Variants in CFAP97 observed in about 807,000 individuals in gnomAD.
The protein encoded by CFAP97 is cilia- and flagella-associated protein 97.
In CFAP97, 36 loss-of-function variants were observed where a neutral mutation model predicts 43.1. The ratio of observed to expected loss-of-function variants is 0.84; its 90% confidence interval spans 0.64 to 1.10. The LOEUF (loss-of-function observed/expected upper bound fraction) is 1.10. CFAP97 is among the 50% of genes least tolerant of loss of function. The probability of loss-of-function intolerance (pLI) is 0.00; values close to 1 mark genes in which losing one functional copy is unlikely to be tolerated. For missense variants in CFAP97, 657 were observed against 620.3 expected, an observed-to-expected ratio of 1.06 and a Z score of -0.63; for synonymous variants, 228 against 225.7, an observed-to-expected ratio of 1.01 and a Z score of -0.09.
In CFAP97 at chr4:185,169,681, T is replaced by A. The variant is rs552255527; in HGVS notation, c.1321-5502A>T. 7 of 985,468 alleles carry A rather than the reference T, an allele frequency of 7.1e-6. No individual in the cohort carries two copies. The South Asian group carries it at 2.8e-4, about 40-fold the overall frequency. 61.0% of individuals were successfully genotyped at this position (985,468 alleles called of 1,614,324 possible). ...TAAACAAATAAATGTCTTAATGATT[T>A]CTGCAGCCGTTAGCAGAGGAGAGTT... On this transcript the variant is annotated intron_variant, in intron 3 of 4. Transcript: ENST00000458385.
rs753306683 is a variant in CFAP97 at position 185,164,174 on chromosome 4, T to C, written c.1326A>G (p.Leu442=). The change falls in exon 4 of 5, where the codon TTA becomes TTG. Residue 442 remains leucine, a synonymous_variant. Coordinates refer to ENST00000458385, the MANE Select transcript of CFAP97 (RefSeq NM_020827.3). ...GTTTCACGGCCTCAAGCCTTTTCAA[T>C]AAAGCCTTCAATAAAGACAATTAAT... is the stretch of plus-strand genomic sequence containing the variant. The part of the protein sequence containing the change: ...QQRIERENLA[L]LKRLEAVKPT... The C allele has an allele frequency of 6.8e-6, 11 of 1,613,416 alleles. No individual in the cohort carries two copies. In the Admixed American group the frequency reaches 1.0e-4, roughly 15 times the overall value.
chr4:185,187,162 G>C (rs967363962), intron 2 of CFAP97, among the ~76,000 whole-genome samples: 24 of 152,192 alleles, frequency 1.6e-4, no homozygotes. Flanking sequence ...TTATAATGCA[G>C]AAGGATGCAC....
rs757834958 is a variant in CFAP97, at chr4:185,161,874, C to T, written c.*924G>A. The T allele has an allele frequency of 3.9e-5, 6 of 152,158 alleles. No homozygotes were observed. The highest frequency in any genetic ancestry group is 7.2e-5 in the African/African-American group (3 of 41,446). The allele number at this position is 152,158 out of a possible 1,614,324, so 9.4% of individuals were successfully genotyped here. On this transcript the variant is annotated 3_prime_UTR_variant, in exon 5 of 5. Transcript: ENST00000458385. Reference sequence around the variant, plus strand: ...GAATTTCTAAAGCATTTCTTTCTTACGCTAAGTCTTCTCTAATAACATAAT... The same window carrying T: ...GAATTTCTAAAGCATTTCTTTCTTATGCTAAGTCTTCTCTAATAACATAAT...
chr4:185,164,516 T>A (rs1004306201), intron 3 of CFAP97, among the ~76,000 whole-genome samples: 4 of 152,220 alleles, frequency 2.6e-5, no homozygotes, highest in Non-Finnish European at 5.9e-5. Context: ...CACTGTGATA[T>A]AACAATTCAT....
At chr4:185,178,550 G>A (rs1338091591) in intron 2 of CFAP97, among the ~76,000 whole-genome samples, 1 of 152,054 alleles carries the variant, frequency 6.6e-6, no homozygotes, top group Non-Finnish European at 1.5e-5. Context: ...AGGCTGAAGG[G>A]TGGGTTTTGA....
At chr4:185,196,279 C>T (rs1038067976) in intron 1 of CFAP97, among the ~76,000 whole-genome samples, 6 of 151,984 alleles carry the variant, frequency 3.9e-5, no homozygotes, top group African/African-American at 1.5e-4. Context: ...TCAAGACCAG[C>T]CTGGCCAACA....
chr4:185,208,599 G>A (rs1387740269), upstream of CFAP97, among the ~76,000 whole-genome samples: 3 of 151,858 alleles, frequency 2.0e-5, no homozygotes, highest in East Asian at 3.9e-4. Flanking sequence ...GTGGTGGTGC[G>A]TGCCTGTAAT....
At chr4:185,165,767 C>T (rs1442780836) in intron 3 of CFAP97, among the ~76,000 whole-genome samples, 3 of 152,080 alleles carry the variant, frequency 2.0e-5, no homozygotes, top group African/African-American at 7.2e-5. Context: ...TTTTGTACAC[C>T]CACACTGTTG....
intron 2 of CFAP97, among the ~76,000 whole-genome samples, chr4:185,186,716 G>A (rs1736020036): frequency 6.6e-6 from 1 of 151,874 alleles, no homozygotes; most frequent in Admixed American, 6.6e-5. Context: ...TACATTATAT[G>A]GCAACTACAT....
rs1734817175 is a variant in CFAP97 at position 185,159,872 on chromosome 4, T to C, written c.*2926A>G. ...TTTATAGGTTAAGACTTTTTTGGCATTGAAGATAGTAAACTTTTTATGAAT... is the reference window on the plus strand; with the variant it reads ...TTTATAGGTTAAGACTTTTTTGGCACTGAAGATAGTAAACTTTTTATGAAT... On this transcript the variant is annotated 3_prime_UTR_variant, in exon 5 of 5. Coordinates refer to ENST00000458385, the MANE Select transcript of CFAP97 (RefSeq NM_020827.3). 6.6e-6 allele frequency: 1 copy of C among 152,234 alleles called. No homozygotes were observed. Among genetic ancestry groups the C allele is most frequent in the African/African-American group, 2.4e-5 (1 of 41,460 alleles). 9.4% of individuals were successfully genotyped at this position (152,234 alleles called of 1,614,324 possible).
intron 2 of CFAP97, among the ~76,000 whole-genome samples, chr4:185,177,130 G>C (rs1000674607): frequency 2.0e-5 from 3 of 152,014 alleles, no homozygotes; most frequent in African/African-American, 7.2e-5. Flanking sequence ...GGGACACACT[G>C]AGGCCAGGCG....
intron 1 of CFAP97, among the ~76,000 whole-genome samples, chr4:185,193,866 C>T (rs3112875): frequency 0.49 from 73,952 of 151,014 alleles, 18,500 homozygotes; most frequent in East Asian, 0.6. Flanking sequence ...CCAGCCTGGG[C>T]GACAGAGAGA....
chr4:185,195,627 A>G (rs1736502084), intron 1 of CFAP97, among the ~76,000 whole-genome samples: 1 of 152,234 alleles, frequency 6.6e-6, no homozygotes, highest in Non-Finnish European at 1.5e-5. Context: ...AAACATGAGT[A>G]TAACTCATGA....
At chr4:185,175,112 T>A (rs1490399809) in intron 3 of CFAP97, among the ~76,000 whole-genome samples, 1 of 152,210 alleles carries the variant, frequency 6.6e-6, no homozygotes, top group East Asian at 1.9e-4. Flanking sequence ...GTAAAAGAGA[T>A]TTCACTAGTG....
At chr4:185,183,642 T>C (rs1261197233) in intron 2 of CFAP97, among the ~76,000 whole-genome samples, 1 of 152,206 alleles carries the variant, frequency 6.6e-6, no homozygotes, top group African/African-American at 2.4e-5. Context: ...AATGATAATT[T>C]TGAAAAATGA....
intron 4 of CFAP97, among the ~76,000 whole-genome samples, 158 bp from the exon 5 acceptor site, chr4:185,163,083 A>G (rs2111307381): frequency 6.6e-6 from 1 of 152,326 alleles, no homozygotes; most frequent in Admixed American, 6.5e-5. Flanking sequence ...AAAATATAAT[A>G]ACAAACATAT....
At chr4:185,194,323 T>TA (rs1736442205) in intron 1 of CFAP97, among the ~76,000 whole-genome samples, 1 of 152,156 alleles carries the variant, frequency 6.6e-6, no homozygotes, top group African/African-American at 2.4e-5. Context: ...ACTCCTTCTC[T>TA]ACTAAAAATA....
chr4:185,182,928 C>T (rs1202731895), intron 2 of CFAP97, among the ~76,000 whole-genome samples: 2 of 151,318 alleles, frequency 1.3e-5, no homozygotes, highest in South Asian at 2.1e-4. Flanking sequence ...GGTGAAACCC[C>T]GTCTCTACTA....
chr4:185,207,906 T>A (rs1737257929), upstream of CFAP97: 2 of 152,122 alleles, frequency 1.3e-5, no homozygotes, highest in South Asian at 4.1e-4. Flanking sequence ...TAATTTAAAT[T>A]TATCATAAAG....
Sources: allele counts gnomAD v4.1 joint callset (sites outside exome capture counted in the v4.1 genomes callset), GRCh38; gene constraint gnomAD v4.1.1; transcripts MANE v1.5; gene names NCBI Gene and HGNC (gene_info 2026-07-23, HGNC 2026-07-21).